The following ZNF233 variants were observed in gnomAD, a reference collection of about 807,000 sequenced individuals.
ZNF233 encodes the protein zinc finger protein 233.
In ZNF233, 7 loss-of-function variants were observed where a neutral mutation model predicts 11.6. The observed-to-expected ratio is 0.60, with a 90% CI of 0.34 to 1.13. The LOEUF is 1.13. Ranked by LOEUF, ZNF233 falls within the 50% of genes most tolerant of loss-of-function variation. The probability of loss-of-function intolerance (pLI) is 0.03; values close to 1 mark genes in which losing one functional copy is unlikely to be tolerated. For missense variants in ZNF233, 711 were observed against 785.5 expected, an observed-to-expected ratio of 0.91 and a Z score of 1.13; for synonymous variants, 226 against 268.5, an observed-to-expected ratio of 0.84 and a Z score of 1.55.
chr19:44,266,945 A>G lies in ZNF233; in HGVS notation c.222A>G (p.Gln74=), dbSNP rs749289719. 1.2e-5 allele frequency: 20 copies of G among 1,613,746 alleles called. No homozygotes were observed. Among genetic ancestry groups the G allele is most frequent in the African/African-American group, 2.7e-5 (2 of 74,920 alleles). ...DKLRMMETEI[Q]GDGCSGHKNQ... is the part of the protein sequence containing the mutation. ...TTCGGATGATGGAGACAGAAATCCA[A>G]GGAGATGGGTGTTCAGGTGAGAACC... The change falls in exon 4 of 5, where the codon CAA becomes CAG. Residue 74 remains glutamine (Q), a synonymous_variant. Coordinates refer to ENST00000683810, the MANE Select transcript of ZNF233 (RefSeq NM_001207005.2).
Position 44,272,974 on chromosome 19 carries a change from G to A in ZNF233, c.314G>A (p.Cys105Tyr), listed in dbSNP as rs1305174029. The change falls in exon 5 of 5, where the codon TGC becomes TAC. Residue 105 changes from cysteine to tyrosine, a missense_variant. Physicochemically the swap from Cys to Tyr is radical, Grantham distance 194. Coordinates refer to ENST00000683810, the MANE Select transcript of ZNF233 (RefSeq NM_001207005.2). ...LRFLSYEDLI[C>Y]WQIWEQFTSK... Reference sequence around the variant, plus strand: ...TTCCTTTCATATGAAGACCTTATATGCTGGCAAATATGGGAACAATTTACA... The same window carrying A: ...TTCCTTTCATATGAAGACCTTATATACTGGCAAATATGGGAACAATTTACA... 1.2e-6 allele frequency: 2 copies of A among 1,613,346 alleles called. No homozygotes were observed. The highest frequency in any genetic ancestry group is 3.3e-5 in the Admixed American group (2 of 59,990).
Position 44,273,698 on chromosome 19 carries a change from A to G in ZNF233, c.1038A>G (p.Val346=), listed in dbSNP as rs1344634467. The change falls in exon 5 of 5, where the codon GTA becomes GTG. Residue 346 remains valine (V), a synonymous_variant. Transcript: ENST00000683810. ...GAGAGAACCTCTACAGATGTCAGGT[A>G]TATGCCCGGAGCTCCAACCAGAACT... is the stretch of plus-strand genomic sequence containing the variant. ...STGENLYRCQ[V]YARSSNQNSC... 4 of 1,614,154 alleles carry G rather than the reference A, an allele frequency of 2.5e-6. No homozygotes were observed. The highest frequency in any genetic ancestry group is 2.5e-6 in the Non-Finnish European group (3 of 1,180,012).
intron 4 of ZNF233, among the ~76,000 whole-genome samples, chr19:44,268,580 G>GTGAA (rs1975155518): frequency 6.6e-6 from 1 of 152,192 alleles, no homozygotes; most frequent in African/African-American, 2.4e-5. Context: ...GACTGAATGA[G>GTGAA]TGAATGAATG....
At position 44,273,625 on chromosome 19, in the gene ZNF233, G is replaced by A. The variant is rs1975304737; in HGVS notation, c.965G>A (p.Gly322Asp). 2.5e-6 allele frequency: 4 copies of A among 1,614,022 alleles called. No individual in the cohort carries two copies. The highest frequency in any genetic ancestry group is 1.1e-5 in the South Asian group (1 of 91,082). Residue 322 changes from glycine to aspartate, a missense_variant, in exon 5 of 5, where the codon GGC becomes GAC. Transcript: ENST00000683810. ...KCYRNGDSGE[G>D]FSQGSHLQPH... ...TATAGGAATGGTGACAGTGGTGAGGGCTTCAGTCAGGGCTCACATCTGCAA... is the reference window on the plus strand; with the variant it reads ...TATAGGAATGGTGACAGTGGTGAGGACTTCAGTCAGGGCTCACATCTGCAA...
intron 4 of ZNF233, among the ~76,000 whole-genome samples, chr19:44,272,340 C>CAAA (rs34243089): frequency 1.1e-5 from 1 of 88,736 alleles, no homozygotes; most frequent in South Asian, 3.7e-4. Flanking sequence ...CCTGCAGTCT[C>CAAA]AAAAAAAAAA....
Position 44,274,300 on chromosome 19 carries a change from A to C in ZNF233, c.1640A>C (p.Gln547Pro). 6.2e-7 allele frequency: 1 copy of C among 1,614,032 alleles called. No homozygotes were observed. ...KCETCGKGFSQSSHLQDHQQV... is the reference protein window; with the variant it reads ...KCETCGKGFSPSSHLQDHQQV... ...GAGACATGTGGGAAGGGCTTTAGTC[A>C]GAGTTCGCATCTCCAAGACCATCAG... is the stretch of plus-strand genomic sequence containing the variant. Residue 547 changes from glutamine to proline, a missense_variant, in exon 5 of 5, where the codon CAG becomes CCG. By Grantham distance (76) the Gln-to-Pro change is moderately conservative (BLOSUM62 -1). Coordinates refer to ENST00000683810, the MANE Select transcript of ZNF233 (RefSeq NM_001207005.2).
Position 44,273,166 on chromosome 19 carries a change from T to C in ZNF233, c.506T>C (p.Ile169Thr), listed in dbSNP as rs1975287748. The C allele has an allele frequency of 6.2e-7, 1 of 1,613,666 alleles. No homozygotes were observed. Among genetic ancestry groups the C allele is most frequent in the Non-Finnish European group, 8.5e-7 (1 of 1,180,006 alleles). ...IKLQGESSNS[I>T]KNQELPLRTT... ...CTACAAGGGGAGAGTTCAAATAGCA[T>C]AAAAAATCAAGAGCTTCCATTGAGG... The change falls in exon 5 of 5, where the codon ATA becomes ACA. Residue 169 changes from isoleucine to threonine, a missense_variant. Transcript: ENST00000683810.
At chr19:44,272,742 A>C (rs898844476) in intron 4 of ZNF233, among the ~76,000 whole-genome samples, 157 bp from the exon 5 acceptor site, 1 of 151,964 alleles carries the variant, frequency 6.6e-6, no homozygotes, top group Non-Finnish European at 1.5e-5. Context: ...CTCAAAAAAC[A>C]AAAAAAGAGA....
rs1340712121 is a variant in ZNF233, at chr19:44,259,934, G to T, written c.-52G>T. 5 of 455,560 alleles carry T rather than the reference G, an allele frequency of 1.1e-5. No individual in the cohort carries two copies. The highest frequency in any genetic ancestry group is 2.0e-5 in the African/African-American group (1 of 50,012). 28.2% of individuals were successfully genotyped at this position (455,560 alleles called of 1,614,324 possible). A position where few individuals can be genotyped will look rare whatever the true frequency, so the allele number is the denominator to read the frequency against. On this transcript the variant is annotated 5_prime_UTR_variant, in exon 1 of 5. Coordinates refer to ENST00000683810, the MANE Select transcript of ZNF233 (RefSeq NM_001207005.2). ...GAAGCAGCCGTCATCTATCCCCTCTGGGAGGTGAGTCAGCGCGGAACCTCT... is the reference window on the plus strand; with the variant it reads ...GAAGCAGCCGTCATCTATCCCCTCTTGGAGGTGAGTCAGCGCGGAACCTCT...
Position 44,275,225 on chromosome 19 carries a change from T to C in ZNF233, c.*552T>C, listed in dbSNP as rs1431959383. ...ATATTTTAGTGAGCTCAGCCCCAAT[T>C]CGTCATTATAATTGTACTGGGAAAA... On this transcript the variant is annotated 3_prime_UTR_variant, in exon 5 of 5. Coordinates refer to ENST00000683810, the MANE Select transcript of ZNF233 (RefSeq NM_001207005.2). The C allele has an allele frequency of 7.0e-6, 2 of 286,726 alleles. No homozygotes were observed. The highest frequency in any genetic ancestry group is 1.3e-5 in the Non-Finnish European group (2 of 156,922). 17.8% of individuals were successfully genotyped at this position (286,726 alleles called of 1,614,324 possible).
At chr19:44,272,278 C>G (rs1267160625) in intron 4 of ZNF233, among the ~76,000 whole-genome samples, 1 of 142,794 alleles carries the variant, frequency 7.0e-6, no homozygotes, top group Non-Finnish European at 1.5e-5. Flanking sequence ...TGTATAAAAT[C>G]TACAAAATCC....
chr19:44,269,257 A>G (rs774843404), intron 4 of ZNF233, among the ~76,000 whole-genome samples: 9 of 149,750 alleles, frequency 6.0e-5, no homozygotes, highest in Non-Finnish European at 1.3e-4. Context: ...CTTCTTCCCA[A>G]CTTCTTCTTT....
chr19:44,273,495 C>T lies in ZNF233; in HGVS notation c.835C>T (p.Leu279=), dbSNP rs1384620130. Residue 279 remains leucine (L), a synonymous_variant, in exon 5 of 5, where the codon CTA becomes TTA. Transcript: ENST00000683810. ...CTCTAATCTTGAACTTCACCAGCAA[C>T]TACACTTAAGAGACAAGCCTCATGT... The part of the protein sequence containing the change: ...VGSNLELHQQ[L]HLRDKPHVNV... 3.7e-6 allele frequency: 6 copies of T among 1,614,234 alleles called. No individual in the cohort carries two copies. Among genetic ancestry groups the T allele is most frequent in the Non-Finnish European group, 5.1e-6 (6 of 1,180,052 alleles).
At position 44,259,921 on chromosome 19, in the gene ZNF233, A is replaced by T. The variant is rs953414130; in HGVS notation, c.-65A>T. 4.4e-6 allele frequency: 2 copies of T among 456,022 alleles called. No homozygotes were observed. The highest frequency in any genetic ancestry group is 8.8e-6 in the Non-Finnish European group (2 of 226,694). 28.2% of individuals were successfully genotyped at this position (456,022 alleles called of 1,614,324 possible). ...GCTGCAGGAGGGCGAAGCAGCCGTC[A>T]TCTATCCCCTCTGGGAGGTGAGTCA... is the stretch of plus-strand genomic sequence containing the variant. On this transcript the variant is annotated 5_prime_UTR_variant, in exon 1 of 5. Transcript: ENST00000683810.
At chr19:44,260,380 T>G (rs925632562) in intron 1 of ZNF233, among the ~76,000 whole-genome samples, 1 of 152,194 alleles carries the variant, frequency 6.6e-6, no homozygotes, top group Non-Finnish European at 1.5e-5. Context: ...TATTTCTTCC[T>G]GGAGAGGAGA....
intron 4 of ZNF233, among the ~76,000 whole-genome samples, chr19:44,271,345 C>T (rs557927996): frequency 1.6e-4 from 24 of 152,312 alleles, no homozygotes; most frequent in Non-Finnish European, 2.9e-4. Flanking sequence ...CTTGGCATCA[C>T]TAAATAATCC....
chr19:44,266,449 C>T, intron 3 of ZNF233, 125 bp downstream of exon 3: 1 of 1,253,906 alleles, frequency 8.0e-7, no homozygotes, highest in Admixed American at 2.9e-5. Context: ...TCTAATTCCT[C>T]AGGGACATCT....
At chr19:44,261,061 A>G (rs1974922682) in intron 1 of ZNF233, among the ~76,000 whole-genome samples, 1 of 152,202 alleles carries the variant, frequency 6.6e-6, no homozygotes, top group African/African-American at 2.4e-5. Flanking sequence ...ACAACAGGAA[A>G]GAGCCTGAAC....
intron 4 of ZNF233, among the ~76,000 whole-genome samples, chr19:44,270,526 C>T (rs1036891759): frequency 2.6e-5 from 4 of 151,880 alleles, no homozygotes; most frequent in Admixed American, 6.6e-5. Context: ...CGTCTCAAAA[C>T]AAAACAAAAA....
Sources: allele counts gnomAD v4.1 joint callset (sites outside exome capture counted in the v4.1 genomes callset), GRCh38; gene constraint gnomAD v4.1.1; transcripts MANE v1.5; gene names NCBI Gene and HGNC (gene_info 2026-07-23, HGNC 2026-07-21).